LOC400499: variants seen among roughly 807,000 people sequenced by gnomAD.
the LOC400499 span, among the ~76,000 whole-genome samples, chr16:11,440,000 G>A: frequency 6.6e-6 from 1 of 152,198 alleles, no homozygotes; most frequent in African/African-American, 2.4e-5. Flanking sequence ...GGCTCAGTGG[G>A]ATTCAGTAAT....
the LOC400499 span, among the ~76,000 whole-genome samples, chr16:11,513,073 A>C: frequency 6.6e-6 from 1 of 152,130 alleles, no homozygotes; most frequent in Non-Finnish European, 1.5e-5. Flanking sequence ...AAGTCATTTG[A>C]CCTCTTTGAG....
the LOC400499 span, among the ~76,000 whole-genome samples, chr16:11,486,048 A>G: frequency 4.0e-5 from 6 of 150,862 alleles, no homozygotes; most frequent in East Asian, 2.0e-4. Flanking sequence ...GATTGAGTGA[A>G]TAGATGGATG....
the LOC400499 span, among the ~76,000 whole-genome samples, chr16:11,449,596 C>T: frequency 6.6e-6 from 1 of 152,218 alleles, no homozygotes. Context: ...TGGCCACCAT[C>T]CCTTGTTCAC....
the LOC400499 span, among the ~76,000 whole-genome samples, chr16:11,508,472 G>A: frequency 6.6e-6 from 1 of 152,238 alleles, no homozygotes; most frequent in Non-Finnish European, 1.5e-5. Flanking sequence ...AGACAGAGGA[G>A]AAAAGGCTTC....
At chr16:11,390,443 C>T in the LOC400499 span, 62 of 1,249,260 alleles carry the variant, frequency 5.0e-5, no homozygotes, top group African/African-American at 8.0e-4. Flanking sequence ...AGGTAGGCAT[C>T]CTTCAGTGTG....
At chr16:11,397,998 G>C in the LOC400499 span, among the ~76,000 whole-genome samples, 1 of 152,106 alleles carries the variant, frequency 6.6e-6, no homozygotes, top group Admixed American at 6.5e-5. Context: ...GAGGGGAAAG[G>C]GGTTGAGGAA....
the LOC400499 span, chr16:11,441,041 G>C: frequency 7.5e-6 from 3 of 398,958 alleles, no homozygotes; most frequent in Non-Finnish European, 1.3e-5. Context: ...CTTTCCGGTG[G>C]ACTTTCAAAG....
chr16:11,410,383 G>C, the LOC400499 span, among the ~76,000 whole-genome samples: 547 of 152,316 alleles, frequency 3.6e-3, 6 homozygotes, highest in African/African-American at 0.013. Context: ...GAACCGGGGA[G>C]GCGGAGGTTG....
chr16:11,444,368 C>T, the LOC400499 span, among the ~76,000 whole-genome samples: 1 of 152,138 alleles, frequency 6.6e-6, no homozygotes, highest in Non-Finnish European at 1.5e-5. Flanking sequence ...CACCCCTGCC[C>T]TCCAGCCTGG....
chr16:11,385,170 G>C, the LOC400499 span: 1 of 1,231,120 alleles, frequency 8.1e-7, no homozygotes, highest in Non-Finnish European at 1.0e-6. Context: ...GGTCTCCAGG[G>C]GAGGCTCAGT....
the LOC400499 span, among the ~76,000 whole-genome samples, chr16:11,464,386 C>T: frequency 3.9e-5 from 6 of 152,336 alleles, no homozygotes; most frequent in South Asian, 1.2e-3. Context: ...ACAGGGTGAA[C>T]ACAGAATTTC....
chr16:11,448,836 C>T, the LOC400499 span: 4 of 1,191,772 alleles, frequency 3.4e-6, no homozygotes, highest in East Asian at 1.1e-4. Context: ...AAGCCCTTTT[C>T]CATCCGAAGC....
chr16:11,525,163 G>A, the LOC400499 span, among the ~76,000 whole-genome samples: 31 of 151,966 alleles, frequency 2.0e-4, no homozygotes, highest in African/African-American at 6.0e-4. Context: ...GCACACCTGT[G>A]GTCCCAGCTA....
At chr16:11,490,187 G>T in the LOC400499 span, among the ~76,000 whole-genome samples, 1 of 151,872 alleles carries the variant, frequency 6.6e-6, no homozygotes, top group East Asian at 1.9e-4. Flanking sequence ...CCTGAGGTCA[G>T]GAGTTCGAGA....
the LOC400499 span, among the ~76,000 whole-genome samples, chr16:11,443,199 C>T: frequency 1.8e-4 from 27 of 151,740 alleles, no homozygotes; most frequent in African/African-American, 6.5e-4. Flanking sequence ...TCATGGGAGC[C>T]TGTAATCCCA....
At chr16:11,517,795 G>A in the LOC400499 span, among the ~76,000 whole-genome samples, 2 of 152,186 alleles carry the variant, frequency 1.3e-5, no homozygotes, top group Non-Finnish European at 1.5e-5. Context: ...AAGTGAAGGG[G>A]TGGGAAGTGA....
chr16:11,454,143 G>A, the LOC400499 span, among the ~76,000 whole-genome samples: 1 of 152,180 alleles, frequency 6.6e-6, no homozygotes, highest in Non-Finnish European at 1.5e-5. Flanking sequence ...ATCAGAAGAA[G>A]CATCAGATCT....
the LOC400499 span, among the ~76,000 whole-genome samples, chr16:11,428,794 A>C: frequency 2.0e-5 from 3 of 152,082 alleles, no homozygotes; most frequent in Non-Finnish European, 2.9e-5. Context: ...TGGTTTACAC[A>C]CCTCTGACAG....
the LOC400499 span, among the ~76,000 whole-genome samples, chr16:11,432,285 G>A: frequency 6.6e-6 from 1 of 152,328 alleles, no homozygotes; most frequent in East Asian, 1.9e-4. Flanking sequence ...ACAGAATCGT[G>A]AGCAAACAAA....
Sources: gnomAD v4.1 joint callset for allele counts (sites outside exome capture counted in the v4.1 genomes callset) on GRCh38, gnomAD v4.1.1 for gene constraint, MANE v1.5 for transcripts.